ADCY2: variants seen among roughly 807,000 people sequenced by gnomAD.
The protein encoded by ADCY2 is adenylate cyclase 2.
Under a neutral mutation model 125.2 loss-of-function variants are expected in ADCY2, and 31 were observed. The observed-to-expected ratio is 0.25, with a 90% CI of 0.19 to 0.33. ADCY2 has a LOEUF of 0.33. Among genes scored for constraint, ADCY2 ranks in the 10% least tolerant of loss-of-function variants. The probability of loss-of-function intolerance (pLI) is 1.00; values close to 1 mark genes in which losing one functional copy is unlikely to be tolerated. For synonymous variants in ADCY2, 512 were observed against 548.4 expected (o/e 0.93, Z 0.93); for missense variants, 904 against 1,418.2 (o/e 0.64, Z 5.82).
Position 7,709,400 on chromosome 5 carries a change from C to T in ADCY2, c.1578+13C>T. The T allele has an allele frequency of 1.9e-6, 3 of 1,567,758 alleles. No homozygotes were observed. Among genetic ancestry groups the T allele is most frequent in the Non-Finnish European group, 2.6e-6 (3 of 1,156,928 alleles). On this transcript the variant is annotated intron_variant, in intron 10 of 24. Coordinates refer to ENST00000338316, the MANE Select transcript of ADCY2 (RefSeq NM_020546.3). This position sits in a 1 kb window ranked among gnomAD's most constrained non-coding sequence, Gnocchi z 4.4. ...GATCAGCACCACGGTATGCCCTCCC[C>T]TGCCTCCAATGCCTGAGCACTGGGG... is the stretch of plus-strand genomic sequence containing the variant.
rs1485428902 is a variant in ADCY2, at chr5:7,396,996, T to G, written c.210+490T>G. Among the ~76,000 whole-genome samples the G allele has an allele frequency of 6.6e-6, 1 of 152,192 alleles. No individual in the cohort carries two copies. The highest frequency in any genetic ancestry group is 1.5e-5 in the Non-Finnish European group (1 of 68,028). On this transcript the variant is annotated intron_variant, in intron 1 of 24. Coordinates refer to ENST00000338316, the MANE Select transcript of ADCY2 (RefSeq NM_020546.3). The surrounding 1 kb of genome is among the most constrained non-coding windows in gnomAD (Gnocchi z 5.7). The stretch of plus-strand genomic sequence containing the variant: ...CAGAAAGCCTGCCTTGGGAAAGTGG[T>G]TAATGACAAGGAAAATGAAGAAGAA...
chr5:7,522,173 T>C (rs1395786332), intron 3 of ADCY2, among the ~76,000 whole-genome samples: 1 of 152,220 alleles, frequency 6.6e-6, no homozygotes, highest in African/African-American at 2.4e-5. Context: ...AGGTGGTATG[T>C]ATTCAAGGTG....
chr5:7,662,448 T>A (rs2973334), intron 4 of ADCY2, among the ~76,000 whole-genome samples: 107,875 of 152,146 alleles, frequency 0.71, 38,718 homozygotes, highest in East Asian at 0.97. Flanking sequence ...AGCACGGAAG[T>A]AGCCTGGTCA....
intron 4 of ADCY2, among the ~76,000 whole-genome samples, chr5:7,686,968 C>T (rs1740539828): frequency 6.6e-6 from 1 of 152,156 alleles, no homozygotes; most frequent in African/African-American, 2.4e-5. Flanking sequence ...AGCATGGACC[C>T]TGAGCTGTCA....
At position 7,709,667 on chromosome 5, in the gene ADCY2, T is replaced by C. The variant is rs889494143; in HGVS notation, c.1578+280T>C. On this transcript the variant is annotated intron_variant, in intron 10 of 24. Coordinates refer to ENST00000338316, the MANE Select transcript of ADCY2 (RefSeq NM_020546.3). The surrounding 1 kb of genome is among the most constrained non-coding windows in gnomAD (Gnocchi z 4.4). Reference sequence around the variant, plus strand: ...AGTAGCAATTAAATACAACTATTTATTAATTGAGGGGTTTTTTAAGAAAAA... The same window carrying C: ...AGTAGCAATTAAATACAACTATTTACTAATTGAGGGGTTTTTTAAGAAAAA... Among the ~76,000 whole-genome samples, 3 of 152,200 alleles carry C rather than the reference T, an allele frequency of 2.0e-5. No individual in the cohort carries two copies. Among genetic ancestry groups the C allele is most frequent in the African/African-American group, 4.8e-5 (2 of 41,452 alleles).
chr5:7,777,273 T>G (rs1403685821), intron 18 of ADCY2, among the ~76,000 whole-genome samples: 1 of 152,152 alleles, frequency 6.6e-6, no homozygotes, highest in Non-Finnish European at 1.5e-5. Flanking sequence ...GATATACACA[T>G]ATGGGCTGAG....
chr5:7,403,172 A>G (rs1739332803), intron 1 of ADCY2, among the ~76,000 whole-genome samples: 1 of 151,828 alleles, frequency 6.6e-6, no homozygotes, highest in Non-Finnish European at 1.5e-5. Context: ...TTTTTTAGGT[A>G]TATAGAGAAA....
chr5:7,735,617 A>C (rs184044467), intron 14 of ADCY2, among the ~76,000 whole-genome samples: 1 of 152,336 alleles, frequency 6.6e-6, no homozygotes, highest in African/African-American at 2.4e-5. Context: ...AATGTGACCT[A>C]TTAATAGGTT....
At chr5:7,793,913 A>C (rs1744336617) in intron 20 of ADCY2, 1 of 152,230 alleles carries the variant, frequency 6.6e-6, no homozygotes, top group African/African-American at 2.4e-5. Flanking sequence ...GGGGCAGCCT[A>C]CAGCCCTATA....
At chr5:7,741,971 A>G (rs534227112) in intron 14 of ADCY2, among the ~76,000 whole-genome samples, 1 of 152,126 alleles carries the variant, frequency 6.6e-6, no homozygotes, top group East Asian at 1.9e-4. Context: ...AGATAATTTT[A>G]TACTTGAGTT....
intron 1 of ADCY2, among the ~76,000 whole-genome samples, chr5:7,409,402 TA>T (rs971669565): frequency 6.6e-6 from 1 of 152,182 alleles, no homozygotes; most frequent in Non-Finnish European, 1.5e-5. Flanking sequence ...TAAAATAAAA[TA>T]AAATTCACAT....
intron 3 of ADCY2, among the ~76,000 whole-genome samples, chr5:7,532,501 AG>A (rs1208153315): frequency 6.6e-6 from 1 of 152,198 alleles, no homozygotes; most frequent in Non-Finnish European, 1.5e-5. Context: ...AGAATTATCA[AG>A]GCAGTCATAG....
chr5:7,557,989 A>C (rs1296441327), intron 3 of ADCY2, among the ~76,000 whole-genome samples: 1 of 152,078 alleles, frequency 6.6e-6, no homozygotes, highest in Non-Finnish European at 1.5e-5. Flanking sequence ...CCAACTGTGT[A>C]TAAGCATTCC....
intron 4 of ADCY2, among the ~76,000 whole-genome samples, chr5:7,683,042 A>G (rs1033266353): frequency 6.6e-6 from 1 of 152,150 alleles, no homozygotes; most frequent in Non-Finnish European, 1.5e-5. Flanking sequence ...ACACCACTGA[A>G]ACGACCACAT....
chr5:7,713,018 A>G (rs2126367304), intron 11 of ADCY2, 119 bp downstream of exon 11: 1 of 709,646 alleles, frequency 1.4e-6, no homozygotes, highest in Non-Finnish European at 2.3e-6. Context: ...CTCCCCCTGA[A>G]AAGCCCTATT....
chr5:7,517,307 A>G (rs550119746), intron 2 of ADCY2, among the ~76,000 whole-genome samples: 1 of 152,312 alleles, frequency 6.6e-6, no homozygotes, highest in Non-Finnish European at 1.5e-5. Context: ...GGGGAATGTC[A>G]TCCATGGGGA....
intron 2 of ADCY2, among the ~76,000 whole-genome samples, chr5:7,461,343 T>C (rs1741911457): frequency 6.6e-6 from 1 of 152,238 alleles, no homozygotes. Flanking sequence ...TGGAGGCAAC[T>C]GGCAAGCTCC....
intron 22 of ADCY2, among the ~76,000 whole-genome samples, chr5:7,805,328 A>T (rs1412796653): frequency 6.6e-6 from 1 of 152,162 alleles, no homozygotes; most frequent in East Asian, 1.9e-4. Flanking sequence ...CTAAAAAATG[A>T]ATTAAAATAA....
chr5:7,725,427 G>T (rs1741900375), intron 13 of ADCY2, among the ~76,000 whole-genome samples: 1 of 151,966 alleles, frequency 6.6e-6, no homozygotes, highest in Non-Finnish European at 1.5e-5. Context: ...TATTAAATAT[G>T]ATAATTCCTT....
Sources: gnomAD v4.1 joint callset for allele counts (sites outside exome capture counted in the v4.1 genomes callset) on GRCh38, gnomAD v4.1.1 for gene constraint, Gnocchi (gnomAD v3.1) non-coding constraint, MANE v1.5 for transcripts, NCBI Gene and HGNC (gene_info 2026-07-23, HGNC 2026-07-21) for gene names.